Variants in PTPRD observed in about 807,000 individuals in gnomAD.
PTPRD encodes the protein receptor-type tyrosine-protein phosphatase delta.
A neutral mutation model predicts 214.5 loss-of-function variants in PTPRD; 34 were observed. The observed-to-expected ratio is 0.16, with a 90% CI of 0.12 to 0.21. PTPRD has a LOEUF of 0.21. Among genes scored for constraint, PTPRD ranks in the 10% least tolerant of loss-of-function variants. PTPRD has a pLI of 1.00. For synonymous variants in PTPRD, 1,128 were observed against 845.7 expected, an observed-to-expected ratio of 1.33 and a Z score of -5.79; for missense variants, 2,545 against 2,398.7, an observed-to-expected ratio of 1.06 and a Z score of -1.27.
intron 5 of PTPRD, among the ~76,000 whole-genome samples, chr9:9,904,196 C>G (rs1369582494): frequency 1.3e-5 from 2 of 152,068 alleles, no homozygotes; most frequent in African/African-American, 4.8e-5. Flanking sequence ...AAATGTTTTT[C>G]TTTTCTAAAT....
intron 14 of PTPRD, among the ~76,000 whole-genome samples, chr9:8,532,816 T>A (rs1264236571): frequency 6.6e-6 from 1 of 152,052 alleles, no homozygotes; most frequent in Non-Finnish European, 1.5e-5. Context: ...ATGGCAGCTA[T>A]AATAGACCTG....
At chr9:9,745,466 G>A (rs903393592) in intron 6 of PTPRD, among the ~76,000 whole-genome samples, 1 of 151,972 alleles carries the variant, frequency 6.6e-6, no homozygotes, top group African/African-American at 2.4e-5. Flanking sequence ...ATTAAAATTT[G>A]GAAAACATCA....
chr9:9,405,449 C>G (rs1012250836), intron 8 of PTPRD, among the ~76,000 whole-genome samples: 1 of 152,086 alleles, frequency 6.6e-6, no homozygotes, highest in Admixed American at 6.6e-5. Flanking sequence ...ATTAGAATCC[C>G]TTTAATCCTA....
chr9:9,014,537 T>C lies in PTPRD; in HGVS notation c.-104+4160A>G, dbSNP rs1474034850. 3.3e-5 allele frequency among the ~76,000 whole-genome samples: 5 copies of C among 152,116 alleles called. No homozygotes were observed. In the East Asian group the frequency reaches 9.6e-4, roughly 29 times the overall value. The stretch of plus-strand genomic sequence containing the variant: ...AATCAATCCAGAAGAAAGCATTGTG[T>C]TTGTCTAGAGATTCCTTGCCAGGAA... On this transcript the variant is annotated intron_variant, in intron 11 of 45. Coordinates refer to ENST00000381196, the MANE Select transcript of PTPRD (RefSeq NM_002839.4).
rs377388077 is a variant in PTPRD at position 9,472,436 on chromosome 9, C to T, written c.-236-74954G>A. On this transcript the variant is annotated intron_variant, in intron 8 of 45. Transcript: ENST00000381196. ...GCCAGGATGGTCTCGATCTCCTGAC[C>T]TCATGATCCACCCGCCTCGGCCTCC... 4.9e-3 allele frequency among the ~76,000 whole-genome samples: 749 copies of T among 151,896 alleles called. 10 individuals carry two copies. The highest frequency in any genetic ancestry group is 0.017 in the African/African-American group (700 of 41,416).
chr9:10,284,730 T>A (rs889837423), intron 3 of PTPRD, among the ~76,000 whole-genome samples: 1 of 152,152 alleles, frequency 6.6e-6, no homozygotes, highest in Non-Finnish European at 1.5e-5. Flanking sequence ...CAGGATTCAT[T>A]TCCTTGCAGT....
intron 8 of PTPRD, among the ~76,000 whole-genome samples, chr9:9,552,382 TAA>T (rs2080497060): frequency 6.6e-6 from 1 of 152,112 alleles, no homozygotes; most frequent in African/African-American, 2.4e-5. Context: ...GAGACATTAG[TAA>T]AACTTTCAAA....
intron 14 of PTPRD, among the ~76,000 whole-genome samples, chr9:8,589,707 T>C (rs1213000021): frequency 1.3e-5 from 2 of 152,124 alleles, no homozygotes; most frequent in African/African-American, 4.8e-5. Flanking sequence ...TCCTGGTACT[T>C]GGTTGCGTTG....
rs185803909 is a variant in PTPRD, at chr9:10,366,536, T to C, written c.-599-25519A>G. Among the ~76,000 whole-genome samples the C allele has an allele frequency of 5.8e-3, 882 of 152,302 alleles. 3 individuals carry two copies. The highest frequency in any genetic ancestry group is 7.2e-3 in the Non-Finnish European group (488 of 68,028). ...AAATATAGAGATGTAAAGCAGTGAA[T>C]TGTTATACTTAAGACTAAATAGAAC... On this transcript the variant is annotated intron_variant, in intron 2 of 45. Coordinates refer to ENST00000381196, the MANE Select transcript of PTPRD (RefSeq NM_002839.4).
At chr9:10,153,774 C>T (rs1354431940) in intron 3 of PTPRD, among the ~76,000 whole-genome samples, 2 of 152,008 alleles carry the variant, frequency 1.3e-5, no homozygotes, top group African/African-American at 4.8e-5. Context: ...TAAATTAGAA[C>T]ATGTGGTATT....
intron 8 of PTPRD, among the ~76,000 whole-genome samples, chr9:9,424,132 G>A (rs756613195): frequency 1.2e-4 from 19 of 152,158 alleles, no homozygotes; most frequent in Admixed American, 2.0e-4. Flanking sequence ...ATGAAGATCT[G>A]GACCACTTGA....
chr9:8,795,905 G>T (rs567675346), intron 11 of PTPRD, among the ~76,000 whole-genome samples: 1 of 151,826 alleles, frequency 6.6e-6, no homozygotes, highest in Non-Finnish European at 1.5e-5. Flanking sequence ...GCACCAAGTC[G>T]CATGTTCAAA....
chr9:8,764,883 T>A (rs1000445437), intron 11 of PTPRD, among the ~76,000 whole-genome samples: 1 of 151,832 alleles, frequency 6.6e-6, no homozygotes, highest in African/African-American at 2.4e-5. Flanking sequence ...TATATTAATA[T>A]GTAATCATTT....
intron 3 of PTPRD, among the ~76,000 whole-genome samples, chr9:10,210,796 C>CATATTATAT (rs1409887184): frequency 5.2e-5 from 4 of 76,728 alleles, no homozygotes; most frequent in Non-Finnish European, 1.2e-4. Flanking sequence ...CAAAAAACTT[C>CATATTATAT]ATATATATAT....
rs1023855761 is a variant in PTPRD at position 9,972,259 on chromosome 9, A to G, written c.-471-33649T>C. The stretch of plus-strand genomic sequence containing the variant: ...TTAAATAGCAAACATACAGTGTTTA[A>G]CATGCACATTTCCTCCTTACCTCTG... On this transcript the variant is annotated intron_variant, in intron 4 of 45. Transcript: ENST00000381196. 2.0e-5 allele frequency among the ~76,000 whole-genome samples: 3 copies of G among 152,178 alleles called. No individual in the cohort carries two copies. The South Asian group carries it at 6.2e-4, about 31-fold the overall frequency.
At chr9:8,842,758 C>T (rs1408993027) in intron 11 of PTPRD, among the ~76,000 whole-genome samples, 1 of 152,102 alleles carries the variant, frequency 6.6e-6, no homozygotes, top group Non-Finnish European at 1.5e-5. Flanking sequence ...ATTGGATTGG[C>T]CTGATCTGTG....
At chr9:9,208,967 C>A (rs973973895) in intron 9 of PTPRD, among the ~76,000 whole-genome samples, 54 of 152,160 alleles carry the variant, frequency 3.5e-4, no homozygotes, top group African/African-American at 1.2e-3. Flanking sequence ...GCCAATATGC[C>A]TGGCTAATTT....
intron 5 of PTPRD, among the ~76,000 whole-genome samples, chr9:9,922,803 G>C (rs1355746005): frequency 1.3e-5 from 2 of 151,934 alleles, no homozygotes; most frequent in Non-Finnish European, 2.9e-5. Flanking sequence ...TGTCGTGAAA[G>C]GCAAGAAAAG....
intron 3 of PTPRD, among the ~76,000 whole-genome samples, chr9:10,139,417 T>C (rs982712184): frequency 1.3e-5 from 2 of 151,938 alleles, no homozygotes; most frequent in African/African-American, 4.8e-5. Flanking sequence ...TTCTCATGGA[T>C]AGAAAAATCA....
Sources: allele counts gnomAD v4.1 joint callset (sites outside exome capture counted in the v4.1 genomes callset), GRCh38; gene constraint gnomAD v4.1.1; transcripts MANE v1.5; gene names NCBI Gene and HGNC (gene_info 2026-07-23, HGNC 2026-07-21).